SERINC3: variants seen among roughly 807,000 people sequenced by gnomAD.
SERINC3 encodes the protein serine incorporator 3, also known as tumor differentially expressed protein 1.
SERINC3 carries 22 observed loss-of-function variants against 52.1 expected under a neutral mutation model. The ratio of observed to expected loss-of-function variants is 0.42; its 90% CI spans 0.30 to 0.60. The LOEUF is 0.60. Among genes scored for constraint, SERINC3 ranks in the 20% least tolerant of loss-of-function variants. The probability of loss-of-function intolerance (pLI) is 0.16; values close to 1 mark genes in which losing one functional copy is unlikely to be tolerated. For synonymous variants in SERINC3, 226 were observed against 212.7 expected (o/e 1.06, Z -0.54); for missense variants, 564 against 584.6 (o/e 0.96, Z 0.36).
intron 1 of SERINC3, 69 bp downstream of exon 1, chr20:44,521,844 G>T: frequency 6.8e-7 from 1 of 1,472,572 alleles, no homozygotes; most frequent in Non-Finnish European, 9.3e-7. Flanking sequence ...CAAGGCCCGT[G>T]CAGCTCTGGT....
chr20:44,507,082 GAGGAGACATT>G, intron 5 of SERINC3, 86 bp from the exon 6 acceptor site: 1 of 1,020,248 alleles, frequency 9.8e-7, no homozygotes, highest in Non-Finnish European at 1.3e-6. Flanking sequence ...ATATAAAAAT[GAGGAGACATT>G]ATGTCACTTT....
chr20:44,513,884 T>A lies in SERINC3; in HGVS notation c.196A>T (p.Lys66Ter). Residue 66 changes from lysine to a stop codon, truncating the protein, a stop_gained, in exon 2 of 10, where the codon AAG becomes TAG. Transcript: ENST00000342374. LOFTEE classifies it high-confidence loss of function. ...AGGGCACTGTTACTTCTTACCTTCTTCAAGTAAGTTTCCATCTCTTTTCTC... is the reference window on the plus strand; with the variant it reads ...AGGGCACTGTTACTTCTTACCTTCTACAAGTAAGTTTCCATCTCTTTTCTC... ...MQRKEMETYLKKIPGFCEGGF... is the reference protein window; with the variant it reads ...MQRKEMETYL 6.2e-7 allele frequency: 1 copy of A among 1,601,214 alleles called. No individual in the cohort carries two copies. Among genetic ancestry groups the A allele is most frequent in the South Asian group, 1.1e-5 (1 of 89,046 alleles).
Position 44,513,898 on chromosome 20 carries a change from A to G in SERINC3, c.182T>C (p.Met61Thr). Residue 61 changes from methionine to threonine, a missense_variant, in exon 2 of 10, where the codon ATG becomes ACG. By Grantham distance (81) the Met-to-Thr change is moderately conservative (BLOSUM62 -1). Coordinates refer to ENST00000342374, the MANE Select transcript of SERINC3 (RefSeq NM_006811.4). ...TCTTACCTTCTTCAAGTAAGTTTCC[A>G]TCTCTTTTCTCTGCATGATATAGGA... Reference protein sequence around the residue: ...VVSYIMQRKEMETYLKKIPGF... With the variant: ...VVSYIMQRKETETYLKKIPGF... The G allele has an allele frequency of 6.2e-7, 1 of 1,606,894 alleles. No individual in the cohort carries two copies. The highest frequency in any genetic ancestry group is 8.5e-7 in the Non-Finnish European group (1 of 1,176,810).
chr20:44,498,417 A>C lies in SERINC3; in HGVS notation c.*1879T>G, dbSNP rs1043396524. ...GTGAAACCCTGTCTCTACTAAAAATACAAAAAAAATTAGCCAGGCGTGGTG... is the reference window on the plus strand; with the variant it reads ...GTGAAACCCTGTCTCTACTAAAAATCCAAAAAAAATTAGCCAGGCGTGGTG... On this transcript the variant is annotated 3_prime_UTR_variant, in exon 10 of 10. Transcript: ENST00000342374. 1 of 152,150 alleles carries C rather than the reference A, an allele frequency of 6.6e-6. No homozygotes were observed. Among genetic ancestry groups the C allele is most frequent in the Non-Finnish European group, 1.5e-5 (1 of 68,056 alleles). 9.4% of individuals were successfully genotyped at this position (152,150 alleles called of 1,614,324 possible). A position where few individuals can be genotyped will look rare whatever the true frequency, so the allele number is the denominator to read the frequency against.
chr20:44,513,765 TA>T, intron 2 of SERINC3, 113 bp downstream of exon 2: 3 of 897,586 alleles, frequency 3.3e-6, no homozygotes, highest in Non-Finnish European at 4.8e-6. Context: ...CCCATATAAG[TA>T]AAAAATCTCC....
chr20:44,519,099 G>A (rs1600821025), intron 1 of SERINC3, among the ~76,000 whole-genome samples: 1 of 151,840 alleles, frequency 6.6e-6, no homozygotes, highest in Admixed American at 6.6e-5. Flanking sequence ...TAATTCACAA[G>A]CCCCCAGAAA....
rs2064357515 is a variant in SERINC3, at chr20:44,512,902, C to T, written c.294G>A (p.Val98=). 2 of 1,575,110 alleles carry T rather than the reference C, an allele frequency of 1.3e-6. No homozygotes were observed. The highest frequency in any genetic ancestry group is 1.7e-6 in the Non-Finnish European group (2 of 1,167,050). ...TGGCCATGGCAAAGCTGATCCGATACACAGCTTTATAACCAACCAGCACAT... is the reference window on the plus strand; with the variant it reads ...TGGCCATGGCAAAGCTGATCCGATATACAGCTTTATAACCAACCAGCACAT... ...DCDVLVGYKA[V]YRISFAMAIF... is the part of the protein sequence containing the mutation. Residue 98 remains valine, a synonymous_variant, in exon 3 of 10, where the codon GTG becomes GTA. Transcript: ENST00000342374.
At chr20:44,500,576 G>T in intron 9 of SERINC3, 142 bp from the exon 10 acceptor site, 1 of 819,670 alleles carries the variant, frequency 1.2e-6, no homozygotes. Flanking sequence ...AAGGGGACCA[G>T]AGGAAGCTGC....
chr20:44,518,846 C>T (rs2064397670), intron 1 of SERINC3, among the ~76,000 whole-genome samples: 1 of 152,050 alleles, frequency 6.6e-6, no homozygotes, highest in South Asian at 2.1e-4. Context: ...TGCCTGTAAT[C>T]CCAGCTACTT....
chr20:44,500,454 T>G lies in SERINC3; in HGVS notation c.1284-20A>C. 9.0e-6 allele frequency: 14 copies of G among 1,552,068 alleles called. No individual in the cohort carries two copies. The highest frequency in any genetic ancestry group is 1.2e-5 in the Non-Finnish European group (14 of 1,147,428). ...TCAGGGCTAAGAAAACAAGAGAGAGTCAGGTAGAAAAGCCTGGTCTACCTG... is the reference window on the plus strand; with the variant it reads ...TCAGGGCTAAGAAAACAAGAGAGAGGCAGGTAGAAAAGCCTGGTCTACCTG... On this transcript the variant is annotated intron_variant, in intron 9 of 9. Transcript: ENST00000342374.
Position 44,509,875 on chromosome 20 carries a change from G to A in SERINC3, c.613+16C>T. Reference sequence around the variant, plus strand: ...ATGTAGCAGTATGGCTAACATAGGTGAGTAGAGATACCTACCAGCATACCA... The same window carrying A: ...ATGTAGCAGTATGGCTAACATAGGTAAGTAGAGATACCTACCAGCATACCA... On this transcript the variant is annotated intron_variant, in intron 5 of 9. Transcript: ENST00000342374. 2 of 1,613,072 alleles carry A rather than the reference G, an allele frequency of 1.2e-6. No homozygotes were observed. Among genetic ancestry groups the A allele is most frequent in the Non-Finnish European group, 1.7e-6 (2 of 1,179,126 alleles).
At chr20:44,507,743 G>C (rs1336089823) in intron 5 of SERINC3, among the ~76,000 whole-genome samples, 1 of 152,082 alleles carries the variant, frequency 6.6e-6, no homozygotes, top group Admixed American at 6.6e-5. Context: ...GTGGCATAAG[G>C]CTGTAGCCCC....
At chr20:44,516,033 G>A (rs1372514960) in intron 1 of SERINC3, among the ~76,000 whole-genome samples, 2 of 152,122 alleles carry the variant, frequency 1.3e-5, no homozygotes, top group Non-Finnish European at 2.9e-5. Context: ...GCCAGGCGTG[G>A]TGGCTCACGC....
At chr20:44,520,380 A>G (rs981070011) in intron 1 of SERINC3, among the ~76,000 whole-genome samples, 2 of 152,192 alleles carry the variant, frequency 1.3e-5, no homozygotes, top group Admixed American at 6.5e-5. Context: ...CTTGTCTTAC[A>G]TATCACTTCA....
At chr20:44,512,083 C>T (rs1316297258) in intron 3 of SERINC3, among the ~76,000 whole-genome samples, 2 of 152,112 alleles carry the variant, frequency 1.3e-5, no homozygotes, top group Admixed American at 6.5e-5. Context: ...GAGGCAAAGG[C>T]GGGCGGACCA....
chr20:44,497,090 G>A (rs2064252982), downstream of SERINC3, among the ~76,000 whole-genome samples: 1 of 152,168 alleles, frequency 6.6e-6, no homozygotes, highest in Non-Finnish European at 1.5e-5. Context: ...GCATGTCCCT[G>A]ATCTGAAAGC....
At chr20:44,502,176 A>G (rs1237999123) in intron 8 of SERINC3, among the ~76,000 whole-genome samples, 1 of 152,256 alleles carries the variant, frequency 6.6e-6, no homozygotes, top group Non-Finnish European at 1.5e-5. Flanking sequence ...AAGTAAAACT[A>G]TCTCTATCTG....
At chr20:44,509,842 C>A (rs562116685) in intron 5 of SERINC3, 49 bp downstream of exon 5, 5 of 1,587,604 alleles carry the variant, frequency 3.1e-6, no homozygotes, top group Non-Finnish European at 4.3e-6. Flanking sequence ...TATTGTACAC[C>A]GTGCTTAATG....
At chr20:44,512,698 C>T in intron 3 of SERINC3, 103 bp downstream of exon 3, 1 of 892,786 alleles carries the variant, frequency 1.1e-6, no homozygotes, top group South Asian at 1.8e-5. Flanking sequence ...CTGAGCCACT[C>T]ATTTACATAT....
Sources: allele counts gnomAD v4.1 joint callset (sites outside exome capture counted in the v4.1 genomes callset), GRCh38; gene constraint gnomAD v4.1.1; transcripts MANE v1.5; gene names NCBI Gene and HGNC (gene_info 2026-07-23, HGNC 2026-07-21).